ANKFN1: variants seen among roughly 807,000 people sequenced by gnomAD.
ANKFN1 encodes ankyrin repeat and fibronectin type-III domain-containing protein 1.
A neutral mutation model predicts 108.7 loss-of-function variants in ANKFN1; 74 were observed. That is an observed-to-expected ratio of 0.68 (90% CI 0.56 to 0.83). The LOEUF is 0.83. Ranked by LOEUF, ANKFN1 falls within the 40% of genes least tolerant of loss-of-function variation. ANKFN1 has a pLI of 0.00. For synonymous variants in ANKFN1, 547 were observed against 516.2 expected (o/e 1.06, Z -0.81); for missense variants, 1,505 against 1,382.3 (o/e 1.09, Z -1.41).
At chr17:56,437,614 C>G (rs907297529) in intron 8 of ANKFN1, among the ~76,000 whole-genome samples, 1 of 152,052 alleles carries the variant, frequency 6.6e-6, no homozygotes, top group African/African-American at 2.4e-5. Flanking sequence ...TCAAGCATAC[C>G]GTTTTTCTTC....
chr17:56,385,781 A>C (rs2047246145), intron 8 of ANKFN1, among the ~76,000 whole-genome samples: 1 of 152,250 alleles, frequency 6.6e-6, no homozygotes, highest in South Asian at 2.1e-4. Context: ...ATACCATCTC[A>C]CACCAGTTAG....
intron 4 of ANKFN1, among the ~76,000 whole-genome samples, chr17:56,123,918 G>A (rs1479750671): frequency 6.6e-6 from 1 of 151,724 alleles, no homozygotes; most frequent in Non-Finnish European, 1.5e-5. Context: ...TTCCCCAGTA[G>A]GCTTAGTCCC....
intron 11 of ANKFN1, among the ~76,000 whole-genome samples, chr17:56,456,058 C>G (rs1464621690): frequency 6.6e-6 from 1 of 151,980 alleles, no homozygotes; most frequent in African/African-American, 2.4e-5. Flanking sequence ...GGGTTTTGCT[C>G]TTTTTTTTCT....
At chr17:56,421,502 C>G (rs558412766) in intron 8 of ANKFN1, among the ~76,000 whole-genome samples, 1 of 152,342 alleles carries the variant, frequency 6.6e-6, no homozygotes, top group South Asian at 2.1e-4. Context: ...AACGCTGATA[C>G]TAAACCTCTT....
At chr17:56,129,546 C>A (rs917827885) in intron 4 of ANKFN1, among the ~76,000 whole-genome samples, 2 of 150,660 alleles carry the variant, frequency 1.3e-5, no homozygotes, top group African/African-American at 4.9e-5. Flanking sequence ...CATGGGAATT[C>A]TTTTTAAATA....
rs1160852619 is a variant in ANKFN1, at chr17:56,053,353, T to G, written c.288+7028T>G. On this transcript the variant is annotated intron_variant, in intron 4 of 12. Coordinates refer to the ANKFN1 transcript ENST00000635860. ...CCTTCCACTGTCTATCTCCATGAGT[T>G]CAACTGTTTTAATTTTTAGCACCCA... Among the ~76,000 whole-genome samples, 10 of 152,214 alleles carry G rather than the reference T, an allele frequency of 6.6e-5. No homozygotes were observed. The South Asian group carries it at 1.0e-3, about 16-fold the overall frequency.
At chr17:56,217,244 T>TG (rs1915490260) in intron 2 of ANKFN1, among the ~76,000 whole-genome samples, 1 of 152,196 alleles carries the variant, frequency 6.6e-6, no homozygotes, top group African/African-American at 2.4e-5. Flanking sequence ...AAACTCCCCC[T>TG]AGCTGACTTT....
chr17:56,066,816 A>C (rs1905064177), intron 4 of ANKFN1, among the ~76,000 whole-genome samples: 4 of 152,192 alleles, frequency 2.6e-5, no homozygotes, highest in Admixed American at 6.5e-5. Context: ...TATGAGTGGA[A>C]TCATATTGTC....
At chr17:56,119,916 C>T (rs1255103197) in intron 4 of ANKFN1, among the ~76,000 whole-genome samples, 1 of 152,122 alleles carries the variant, frequency 6.6e-6, no homozygotes. Flanking sequence ...ATAGACAGCT[C>T]CCAATAAATG....
rs1334345110 is a variant in ANKFN1 at position 56,511,743 on chromosome 17, G to A, written c.*474G>A. On this transcript the variant is annotated 3_prime_UTR_variant, in exon 21 of 21. Coordinates refer to ENST00000682825, the MANE Select transcript of ANKFN1 (RefSeq NM_001370326.1). ...AGAAGAGTTTGAGGGAAAGACACCA[G>A]GTTGTGTCTCTAGGGCACGGGGTCA... The A allele has an allele frequency of 6.5e-6, 1 of 154,714 alleles. No homozygotes were observed. The highest frequency in any genetic ancestry group is 6.4e-5 in the Admixed American group (1 of 15,568). 9.6% of individuals were successfully genotyped at this position (154,714 alleles called of 1,614,324 possible).
chr17:56,140,436 A>G (rs914235021), intron 4 of ANKFN1, among the ~76,000 whole-genome samples: 2 of 152,108 alleles, frequency 1.3e-5, no homozygotes, highest in Non-Finnish European at 2.9e-5. Context: ...TGACTCTTTC[A>G]TTATGTCTTT....
At chr17:56,500,386 A>G (rs1598729357) in intron 20 of ANKFN1, among the ~76,000 whole-genome samples, 2 of 123,714 alleles carry the variant, frequency 1.6e-5, no homozygotes, top group East Asian at 5.7e-4. Context: ...GGAGTCTATG[A>G]CTTACCAAAT....
intron 6 of ANKFN1, among the ~76,000 whole-genome samples, chr17:56,358,549 A>G (rs1033729872): frequency 6.6e-6 from 1 of 152,200 alleles, no homozygotes; most frequent in African/African-American, 2.4e-5. Context: ...CGAATCTACT[A>G]TCTTTATTCA....
intron 4 of ANKFN1, among the ~76,000 whole-genome samples, chr17:56,130,701 G>T (rs533987544): frequency 2.6e-5 from 4 of 152,226 alleles, no homozygotes; most frequent in South Asian, 2.1e-4. Context: ...TGATTAGATG[G>T]GGGGAGGACA....
At chr17:56,105,420 C>A (rs1189661710) in intron 4 of ANKFN1, among the ~76,000 whole-genome samples, 1 of 152,098 alleles carries the variant, frequency 6.6e-6, no homozygotes, top group South Asian at 2.1e-4. Flanking sequence ...CTTTATGGAA[C>A]AATTCAGTGC....
intron 4 of ANKFN1, among the ~76,000 whole-genome samples, chr17:56,062,488 C>T (rs963804152): frequency 6.6e-6 from 1 of 151,672 alleles, no homozygotes; most frequent in African/African-American, 2.4e-5. Context: ...TTATGTAGTG[C>T]CCTTCTTTGT....
chr17:56,270,863 T>G lies in ANKFN1; in HGVS notation c.53+42906T>G, dbSNP rs151218324. On this transcript the variant is annotated intron_variant, in intron 3 of 20. Coordinates refer to ENST00000682825, the MANE Select transcript of ANKFN1 (RefSeq NM_001370326.1). ...TGCCTCCATCTTATTCTTTCTTTCT[T>G]TCTTCAGATACTCCTCTTCCCTTAT... 1.7e-3 allele frequency among the ~76,000 whole-genome samples: 253 copies of G among 152,302 alleles called. 1 individual carries two copies. Among genetic ancestry groups the G allele is most frequent in the African/African-American group, 5.6e-3 (234 of 41,554 alleles).
chr17:56,436,483 C>G (rs1229342163), intron 8 of ANKFN1, among the ~76,000 whole-genome samples: 1 of 152,060 alleles, frequency 6.6e-6, no homozygotes, highest in Non-Finnish European at 1.5e-5. Context: ...TGTAAACTAC[C>G]TATATACAAC....
At chr17:56,220,040 G>GAA (rs1915724750) in intron 2 of ANKFN1, among the ~76,000 whole-genome samples, 1 of 152,180 alleles carries the variant, frequency 6.6e-6, no homozygotes, top group African/African-American at 2.4e-5. Flanking sequence ...CAGTAACTTA[G>GAA]TATGCTGGTA....
Sources: gnomAD v4.1 joint callset for allele counts (sites outside exome capture counted in the v4.1 genomes callset) on GRCh38, gnomAD v4.1.1 for gene constraint, MANE v1.5 for transcripts, NCBI Gene and HGNC (gene_info 2026-07-23, HGNC 2026-07-21) for gene names.